Variants in APBA1 observed in about 807,000 individuals in gnomAD.
APBA1 encodes the protein amyloid beta precursor protein binding family A member 1, also known as amyloid-beta A4 precursor protein-binding family A member 1.
In APBA1, 55 loss-of-function variants were observed where a neutral mutation model predicts 86.6. That is an observed-to-expected ratio of 0.64 (90% CI 0.51 to 0.80). The LOEUF is 0.80. Among genes scored for constraint, APBA1 ranks in the 30% least tolerant of loss-of-function variants. The probability of loss-of-function intolerance (pLI) is 0.00; values close to 1 mark genes in which losing one functional copy is unlikely to be tolerated. For missense variants in APBA1, 1,090 were observed against 1,183.0 expected, an observed-to-expected ratio of 0.92 and a Z score of 1.15; for synonymous variants, 511 against 493.9, an observed-to-expected ratio of 1.03 and a Z score of -0.46.
intron 1 of APBA1, among the ~76,000 whole-genome samples, chr9:69,590,489 C>T (rs755896375): frequency 6.6e-5 from 10 of 152,156 alleles, no homozygotes; most frequent in Non-Finnish European, 1.3e-4. Flanking sequence ...GCTCTGGAGG[C>T]CTCACAGCAC....
intron 1 of APBA1, among the ~76,000 whole-genome samples, chr9:69,658,294 TTC>T (rs774468066): frequency 0.014 from 621 of 44,344 alleles, 7 homozygotes; most frequent in African/African-American, 0.039. Context: ...CTCTCTCTCT[TTC>T]TCTCTCTCTC....
chr9:69,603,482 A>G (rs1048103940), intron 1 of APBA1, among the ~76,000 whole-genome samples: 9 of 152,320 alleles, frequency 5.9e-5, no homozygotes, highest in African/African-American at 1.9e-4. Flanking sequence ...CACTGCTCCA[A>G]AGTGACCAAT....
At chr9:69,435,072 T>G (rs951467666) in intron 11 of APBA1, among the ~76,000 whole-genome samples, 6 of 151,692 alleles carry the variant, frequency 4.0e-5, no homozygotes, top group African/African-American at 1.5e-4. Context: ...GCCATAGTTT[T>G]CTGAGAATGA....
At chr9:69,431,661 C>G (rs1013820246) in intron 12 of APBA1, among the ~76,000 whole-genome samples, 10 of 152,252 alleles carry the variant, frequency 6.6e-5, no homozygotes, top group Admixed American at 4.6e-4. Flanking sequence ...TGCTCTCGCT[C>G]TCACCAGACC....
At chr9:69,449,378 C>T (rs1834963420) in intron 10 of APBA1, among the ~76,000 whole-genome samples, 2 of 152,190 alleles carry the variant, frequency 1.3e-5, no homozygotes, top group Admixed American at 1.3e-4. Context: ...TACACTTCCC[C>T]TAATCTAAAT....
intron 1 of APBA1, among the ~76,000 whole-genome samples, chr9:69,544,575 T>C (rs891463367): frequency 6.6e-6 from 1 of 152,176 alleles, no homozygotes; most frequent in African/African-American, 2.4e-5. Context: ...TTTTAGTCCA[T>C]ACCTAACCTT....
intron 1 of APBA1, among the ~76,000 whole-genome samples, chr9:69,635,795 A>G (rs1007574269): frequency 6.6e-6 from 1 of 152,210 alleles, no homozygotes; most frequent in African/African-American, 2.4e-5. Flanking sequence ...AGACAATATA[A>G]CAACTGTAAA....
intron 1 of APBA1, among the ~76,000 whole-genome samples, chr9:69,556,280 G>C (rs1456708377): frequency 4.6e-5 from 7 of 152,090 alleles, no homozygotes; most frequent in African/African-American, 1.7e-4. Context: ...ACAAAATCAA[G>C]TTTCCTTTGG....
intron 1 of APBA1, among the ~76,000 whole-genome samples, chr9:69,658,127 T>C (rs1291795301): frequency 6.6e-6 from 1 of 152,210 alleles, no homozygotes; most frequent in African/African-American, 2.4e-5. Context: ...AAGACTGGAA[T>C]GTGGAGATTC....
intron 1 of APBA1, among the ~76,000 whole-genome samples, chr9:69,521,456 C>T (rs1052703616): frequency 1.4e-4 from 21 of 152,162 alleles, no homozygotes; most frequent in Non-Finnish European, 2.8e-4. Context: ...CCTCCAGGCA[C>T]ATTCGAGGCA....
At chr9:69,491,487 G>A (rs1835709518) in intron 2 of APBA1, among the ~76,000 whole-genome samples, 1 of 151,896 alleles carries the variant, frequency 6.6e-6, no homozygotes, top group Non-Finnish European at 1.5e-5. Flanking sequence ...ATAGCATTAG[G>A]AGAGATACCT....
In APBA1 at chr9:69,431,228, C is replaced by T. The variant is rs1454442182; in HGVS notation, c.*99G>A. On this transcript the variant is annotated 3_prime_UTR_variant, in exon 13 of 13. Coordinates refer to ENST00000265381, the MANE Select transcript of APBA1 (RefSeq NM_001163.4). ...TTCCTGTGTAAAACCAAATGCTGGGCGCGAGAGGGGAAAGTCTCAGTGGAC... is the reference window on the plus strand; with the variant it reads ...TTCCTGTGTAAAACCAAATGCTGGGTGCGAGAGGGGAAAGTCTCAGTGGAC... The T allele has an allele frequency of 9.3e-6, 8 of 861,300 alleles. No individual in the cohort carries two copies. The highest frequency in any genetic ancestry group is 3.0e-5 in the East Asian group (1 of 33,850). 53.4% of individuals were successfully genotyped at this position (861,300 alleles called of 1,614,324 possible).
intron 10 of APBA1, among the ~76,000 whole-genome samples, chr9:69,446,547 C>T (rs989009680): frequency 1.2e-4 from 18 of 152,216 alleles, no homozygotes; most frequent in African/African-American, 4.1e-4. Context: ...GGAAACTGTG[C>T]AGACAGAGCT....
At chr9:69,481,091 C>G (rs1314998232) in intron 2 of APBA1, among the ~76,000 whole-genome samples, 1 of 149,902 alleles carries the variant, frequency 6.7e-6, no homozygotes, top group Non-Finnish European at 1.5e-5. Flanking sequence ...TCTCACCACT[C>G]CTATTCAACA....
Position 69,471,158 on chromosome 9 carries a change from G to A in APBA1, c.1336+498C>T, listed in dbSNP as rs189678861. Among the ~76,000 whole-genome samples the A allele has an allele frequency of 6.6e-5, 10 of 152,220 alleles. No individual in the cohort carries two copies. The East Asian group carries it at 1.5e-3, about 23-fold the overall frequency. The stretch of plus-strand genomic sequence containing the variant: ...TGAGGATTCAATTAGTTATTACATG[G>A]GAGGTGCTTAGAACAGAACCTGGCA... On this transcript the variant is annotated intron_variant, in intron 4 of 12. Coordinates refer to ENST00000265381, the MANE Select transcript of APBA1 (RefSeq NM_001163.4).
chr9:69,477,283 G>C (rs1434498260), intron 2 of APBA1, among the ~76,000 whole-genome samples: 1 of 151,544 alleles, frequency 6.6e-6, no homozygotes. Flanking sequence ...GCCAGCCGAA[G>C]CAGGGCGAGG....
intron 1 of APBA1, among the ~76,000 whole-genome samples, chr9:69,562,792 C>T (rs942100762): frequency 6.6e-6 from 1 of 151,980 alleles, no homozygotes; most frequent in Non-Finnish European, 1.5e-5. Flanking sequence ...AAGATCTGCC[C>T]AAATAGAAAA....
chr9:69,522,583 G>C (rs1048369781), intron 1 of APBA1, among the ~76,000 whole-genome samples: 1 of 152,176 alleles, frequency 6.6e-6, no homozygotes, highest in Non-Finnish European at 1.5e-5. Flanking sequence ...CTATGGTTTA[G>C]GGCAGACAGC....
chr9:69,584,212 T>C lies in APBA1; in HGVS notation c.-69-66933A>G, dbSNP rs76460947. Among the ~76,000 whole-genome samples the C allele has an allele frequency of 3.6e-3, 552 of 152,340 alleles. 6 individuals are homozygous for C. Among genetic ancestry groups the C allele is most frequent in the Admixed American group, 0.024 (369 of 15,308 alleles). Reference sequence around the variant, plus strand: ...ATATGTATGTTTCCATCCATATGTGTACATCTCCGTGTGTGTGTGTGTGTA... The same window carrying C: ...ATATGTATGTTTCCATCCATATGTGCACATCTCCGTGTGTGTGTGTGTGTA... On this transcript the variant is annotated intron_variant, in intron 1 of 12. Transcript: ENST00000265381.
Sources: gnomAD v4.1 joint callset for allele counts (sites outside exome capture counted in the v4.1 genomes callset) on GRCh38, gnomAD v4.1.1 for gene constraint, MANE v1.5 for transcripts, NCBI Gene and HGNC (gene_info 2026-07-23, HGNC 2026-07-21) for gene names.